Variants in ENTREP2 observed in about 807,000 individuals in gnomAD.
The protein encoded by ENTREP2 is protein ENTREP2.
the ENTREP2 span, among the ~76,000 whole-genome samples, chr15:29,615,224 C>T: frequency 1.3e-5 from 2 of 151,270 alleles, no homozygotes; most frequent in Non-Finnish European, 2.9e-5. Context: ...GGTGCGATCT[C>T]AGCTCACTGC....
chr15:29,640,550 T>C, the ENTREP2 span, among the ~76,000 whole-genome samples: 1 of 151,972 alleles, frequency 6.6e-6, no homozygotes, highest in East Asian at 1.9e-4. Context: ...TAGACCCAGC[T>C]ACTCTGGGAG....
chr15:29,485,843 T>C, the ENTREP2 span, among the ~76,000 whole-genome samples: 1 of 152,172 alleles, frequency 6.6e-6, no homozygotes, highest in Non-Finnish European at 1.5e-5. Context: ...GCAATGGCTA[T>C]TATCAAAAAG....
At chr15:29,155,760 C>T in the ENTREP2 span, among the ~76,000 whole-genome samples, 1 of 152,170 alleles carries the variant, frequency 6.6e-6, no homozygotes, top group Non-Finnish European at 1.5e-5. Flanking sequence ...ATTTATCACC[C>T]ACCCCTCAGG....
the ENTREP2 span, among the ~76,000 whole-genome samples, chr15:29,386,735 C>A: frequency 1.3e-5 from 2 of 152,106 alleles, no homozygotes; most frequent in Non-Finnish European, 2.9e-5. Flanking sequence ...TAGCTCTACA[C>A]GAGGAGAAAG....
At chr15:29,614,833 G>A in the ENTREP2 span, among the ~76,000 whole-genome samples, 1 of 152,192 alleles carries the variant, frequency 6.6e-6, no homozygotes, top group Non-Finnish European at 1.5e-5. Flanking sequence ...GAGGCTGGAA[G>A]ATTGCTTGAG....
At chr15:29,149,291 C>T in the ENTREP2 span, among the ~76,000 whole-genome samples, 1 of 152,250 alleles carries the variant, frequency 6.6e-6, no homozygotes, top group Non-Finnish European at 1.5e-5. Flanking sequence ...CTCGACTGTG[C>T]TGTACCAGAA....
At chr15:29,674,182 G>T in the ENTREP2 span, among the ~76,000 whole-genome samples, 1 of 147,186 alleles carries the variant, frequency 6.8e-6, no homozygotes, top group African/African-American at 2.5e-5. Context: ...AGGGGACCAG[G>T]AAGCCTGTAT....
chr15:29,220,945 T>C, the ENTREP2 span, among the ~76,000 whole-genome samples: 4 of 152,146 alleles, frequency 2.6e-5, no homozygotes, highest in South Asian at 4.1e-4. Context: ...ATTTGTGAAA[T>C]AGTAGATCTG....
chr15:29,671,506 T>C, the ENTREP2 span, among the ~76,000 whole-genome samples: 1 of 152,122 alleles, frequency 6.6e-6, no homozygotes, highest in African/African-American at 2.4e-5. Context: ...CAGAATTGAA[T>C]TGAATCATAG....
the ENTREP2 span, among the ~76,000 whole-genome samples, chr15:29,321,835 G>A: frequency 9.9e-5 from 15 of 152,004 alleles, no homozygotes; most frequent in African/African-American, 2.9e-4. Flanking sequence ...GGGAGTGGGC[G>A]GGGAGGGAGA....
chr15:29,353,092 GA>G, the ENTREP2 span, among the ~76,000 whole-genome samples: 1 of 152,084 alleles, frequency 6.6e-6, no homozygotes, highest in Non-Finnish European at 1.5e-5. Context: ...TCACAGGTCA[GA>G]AAATGTGGGA....
chr15:29,303,558 TG>T, the ENTREP2 span, among the ~76,000 whole-genome samples: 1 of 152,140 alleles, frequency 6.6e-6, no homozygotes, highest in African/African-American at 2.4e-5. Context: ...GGCATGTTGT[TG>T]GGGGTTGTTG....
the ENTREP2 span, among the ~76,000 whole-genome samples, chr15:29,342,348 CG>C: frequency 6.6e-6 from 1 of 152,248 alleles, no homozygotes; most frequent in Non-Finnish European, 1.5e-5. Context: ...TATAGGAATG[CG>C]AAACAACTGC....
the ENTREP2 span, among the ~76,000 whole-genome samples, chr15:29,367,578 T>C: frequency 6.6e-6 from 1 of 152,166 alleles, no homozygotes; most frequent in Admixed American, 6.5e-5. Context: ...CGCCCCAATA[T>C]ATCTCTGGGA....
At chr15:29,578,587 T>C in the ENTREP2 span, among the ~76,000 whole-genome samples, 2 of 152,230 alleles carry the variant, frequency 1.3e-5, no homozygotes, top group South Asian at 2.1e-4. Context: ...GAAATACTTA[T>C]TACTTCATAG....
the ENTREP2 span, among the ~76,000 whole-genome samples, chr15:29,149,279 A>C: frequency 1.3e-5 from 2 of 152,238 alleles, no homozygotes; most frequent in Non-Finnish European, 2.9e-5. Context: ...CTTTCCAAAG[A>C]ACTCGACTGT....
chr15:29,360,608 C>A, the ENTREP2 span, among the ~76,000 whole-genome samples: 1 of 152,196 alleles, frequency 6.6e-6, no homozygotes, highest in African/African-American at 2.4e-5. Context: ...GCTCACTGCA[C>A]CTCCCACTCT....
chr15:29,327,617 A>G, the ENTREP2 span, among the ~76,000 whole-genome samples: 1 of 151,472 alleles, frequency 6.6e-6, no homozygotes, highest in Non-Finnish European at 1.5e-5. Flanking sequence ...AAAAGAGGGT[A>G]AAGATCTGAA....
At chr15:29,585,306 T>C in the ENTREP2 span, among the ~76,000 whole-genome samples, 1 of 152,218 alleles carries the variant, frequency 6.6e-6, no homozygotes. Flanking sequence ...AAATTATTGA[T>C]TCACTGAAAT....
Sources: gnomAD v4.1 joint callset for allele counts (sites outside exome capture counted in the v4.1 genomes callset) on GRCh38, gnomAD v4.1.1 for gene constraint, MANE v1.5 for transcripts, NCBI Gene and HGNC (gene_info 2026-07-23, HGNC 2026-07-21) for gene names.